Variants in TMEM200A observed in about 807,000 individuals in gnomAD.
TMEM200A encodes the protein two transmembrane C.
Under a neutral mutation model 24.3 loss-of-function variants are expected in TMEM200A, and 12 were observed. That is an observed-to-expected ratio of 0.49 (90% CI 0.32 to 0.80). TMEM200A has a LOEUF of 0.80. TMEM200A is among the 30% of genes least tolerant of loss of function. The pLI is 0.04. For synonymous variants in TMEM200A, 224 were observed against 224.4 expected (o/e 1.00, Z 0.02); for missense variants, 545 against 614.4 (o/e 0.89, Z 1.19).
At chr6:130,392,533 T>C (rs1778858758) in intron 2 of TMEM200A, among the ~76,000 whole-genome samples, 1 of 152,184 alleles carries the variant, frequency 6.6e-6, no homozygotes. Context: ...CCGCCTCCGG[T>C]TTCACTGTCA....
chr6:130,392,104 T>G (rs572065939), intron 2 of TMEM200A, among the ~76,000 whole-genome samples: 1 of 152,150 alleles, frequency 6.6e-6, no homozygotes, highest in African/African-American at 2.4e-5. Context: ...CTTTGCTATT[T>G]AATAACCCAG....
At chr6:130,397,587 T>C (rs185099080) in intron 2 of TMEM200A, among the ~76,000 whole-genome samples, 1 of 151,998 alleles carries the variant, frequency 6.6e-6, no homozygotes, top group Admixed American at 6.5e-5. Context: ...TTTTCCATTC[T>C]TTTACTTTGT....
At chr6:130,433,158 C>T (rs1399007543) in intron 2 of TMEM200A, among the ~76,000 whole-genome samples, 4 of 140,114 alleles carry the variant, frequency 2.9e-5, no homozygotes, top group Non-Finnish European at 6.1e-5. Context: ...TTTTTTGAGA[C>T]GGAGTTTCGC....
intron 2 of TMEM200A, among the ~76,000 whole-genome samples, chr6:130,391,172 G>C (rs960561714): frequency 6.6e-6 from 1 of 152,182 alleles, no homozygotes; most frequent in Non-Finnish European, 1.5e-5. Flanking sequence ...TGGTGCCACA[G>C]CTCGGACACC....
chr6:130,395,469 A>G (rs769565147), intron 2 of TMEM200A, among the ~76,000 whole-genome samples: 55 of 152,202 alleles, frequency 3.6e-4, no homozygotes, highest in Non-Finnish European at 1.0e-4. Context: ...GATCTCAAAA[A>G]TGGTCTCTTC....
In TMEM200A at chr6:130,442,140, A is replaced by T; in HGVS notation, c.*242A>T. The T allele has an allele frequency of 2.8e-6, 1 of 361,478 alleles. No individual in the cohort carries two copies. Among genetic ancestry groups the T allele is most frequent in the Non-Finnish European group, 5.2e-6 (1 of 192,730 alleles). The allele number at this position is 361,478 out of a possible 1,614,324, so 22.4% of individuals were successfully genotyped here. On this transcript the variant is annotated 3_prime_UTR_variant, in exon 3 of 3. Coordinates refer to ENST00000296978, the MANE Select transcript of TMEM200A (RefSeq NM_001258277.2). ...TTTGAAAGCATGATCTCTTTTATTAATATGAATGCAAAATGCTTGCATCCA... is the reference window on the plus strand; with the variant it reads ...TTTGAAAGCATGATCTCTTTTATTATTATGAATGCAAAATGCTTGCATCCA...
chr6:130,432,766 C>G (rs895589669), intron 2 of TMEM200A, among the ~76,000 whole-genome samples: 2 of 152,168 alleles, frequency 1.3e-5, no homozygotes, highest in Non-Finnish European at 2.9e-5. Context: ...ATATCACTCA[C>G]GTAGACCTTA....
Position 130,441,623 on chromosome 6 carries a change from G to A in TMEM200A, c.1201G>A (p.Asp401Asn), listed in dbSNP as rs1208356583. Residue 401 changes from aspartate (D) to asparagine (N), a missense_variant, in exon 3 of 3, where the codon GAC becomes AAC. Asp to Asn is a conservative substitution (Grantham distance 23). Transcript: ENST00000296978. ...GTCACACTCAAAGTCCTTGGACTTA[G>A]ACCGGGGTCCCTCCACTCTAACTGT... ...LSSHSKSLDL[D>N]RGPSTLTVQA... 6.2e-7 allele frequency: 1 copy of A among 1,613,932 alleles called. No individual in the cohort carries two copies. Among genetic ancestry groups the A allele is most frequent in the Non-Finnish European group, 8.5e-7 (1 of 1,180,006 alleles).
rs575215592 is a variant in TMEM200A, at chr6:130,434,709, A to G, written c.-16-5698A>G. ...CGGACGGTATGTGGTATAGTATTACACATGACTCACAAAGCAGAAATCTTC... is the reference window on the plus strand; with the variant it reads ...CGGACGGTATGTGGTATAGTATTACGCATGACTCACAAAGCAGAAATCTTC... On this transcript the variant is annotated intron_variant, in intron 2 of 2. Coordinates refer to ENST00000296978, the MANE Select transcript of TMEM200A (RefSeq NM_001258277.2). Among the ~76,000 whole-genome samples the G allele has an allele frequency of 3.3e-5, 5 of 152,316 alleles. No individual in the cohort carries two copies. The East Asian group carries it at 5.8e-4, about 18-fold the overall frequency.
intron 2 of TMEM200A, among the ~76,000 whole-genome samples, chr6:130,426,949 C>T (rs749585284): frequency 2.0e-5 from 3 of 152,172 alleles, no homozygotes; most frequent in Non-Finnish European, 4.4e-5. Context: ...TTCAGTGTTT[C>T]AAGATTATAA....
intron 2 of TMEM200A, among the ~76,000 whole-genome samples, chr6:130,421,702 C>G (rs1404101335): frequency 6.6e-6 from 1 of 152,124 alleles, no homozygotes; most frequent in Non-Finnish European, 1.5e-5. Context: ...CCCATTCCTC[C>G]CTTCACCCCT....
intron 2 of TMEM200A, among the ~76,000 whole-genome samples, chr6:130,428,184 G>A (rs1055626745): frequency 1.3e-5 from 2 of 151,782 alleles, no homozygotes; most frequent in African/African-American, 2.4e-5. Context: ...TCATATATTC[G>A]GTAGATAATT....
intron 1 of TMEM200A, among the ~76,000 whole-genome samples, chr6:130,368,979 A>G (rs1261783340): frequency 1.3e-5 from 2 of 152,216 alleles, no homozygotes; most frequent in African/African-American, 2.4e-5. Flanking sequence ...TGGCAGAATT[A>G]AAGAGAGACA....
Position 130,440,950 on chromosome 6 carries a change from G to C in TMEM200A, c.528G>C (p.Lys176Asn), listed in dbSNP as rs753229064. 13 of 1,613,956 alleles carry C rather than the reference G, an allele frequency of 8.1e-6. No individual in the cohort carries two copies. The East Asian group carries it at 2.9e-4, about 36-fold the overall frequency. Residue 176 changes from lysine (K) to asparagine (N), a missense_variant, in exon 3 of 3, where the codon AAG (lysine) becomes AAC (asparagine). By Grantham distance (94) the Lys-to-Asn change is moderately conservative. Coordinates refer to ENST00000296978, the MANE Select transcript of TMEM200A (RefSeq NM_001258277.2). ...TTGACATTCACACGCTAAGAATCAA[G>C]GAGCAAAGGCAAATGAACGGCATGT... ...TVIDIHTLRI[K>N]EQRQMNGMYT...
chr6:130,426,463 C>G (rs7743080), intron 2 of TMEM200A, among the ~76,000 whole-genome samples: 8 of 143,488 alleles, frequency 5.6e-5, no homozygotes, highest in Non-Finnish European at 7.5e-5. Flanking sequence ...TTCTGCAGCC[C>G]CCCCCCCCTC....
chr6:130,426,099 C>T (rs1233606183), intron 2 of TMEM200A, among the ~76,000 whole-genome samples: 1 of 151,978 alleles, frequency 6.6e-6, no homozygotes. Flanking sequence ...TTAAATAAGC[C>T]CCAGGGATTG....
In TMEM200A at chr6:130,406,646, G is replaced by A. The variant is rs2115147646; in HGVS notation, c.-17+21410G>A. 3.3e-5 allele frequency among the ~76,000 whole-genome samples: 5 copies of A among 152,242 alleles called. 1 individual carries two copies. In the South Asian group the frequency reaches 1.0e-3, roughly 32 times the overall value. On this transcript the variant is annotated intron_variant, in intron 2 of 2. Transcript: ENST00000296978. ...TACCTGATAAATAATGTCCTGAATTGCAAATGAAAGAACTTTACTTCTCAG... is the reference window on the plus strand; with the variant it reads ...TACCTGATAAATAATGTCCTGAATTACAAATGAAAGAACTTTACTTCTCAG...
rs143378396 is a variant in TMEM200A, at chr6:130,388,812, C to T, written c.-17+3576C>T. 4.7e-3 allele frequency among the ~76,000 whole-genome samples: 709 copies of T among 152,238 alleles called. 4 individuals are homozygous for T. Among genetic ancestry groups the T allele is most frequent in the African/African-American group, 0.016 (655 of 41,556 alleles). On this transcript the variant is annotated intron_variant, in intron 2 of 2. Coordinates refer to ENST00000296978, the MANE Select transcript of TMEM200A (RefSeq NM_001258277.2). ...TCATTGCCCCAGTTTGTGGGAATTGCATCAACCACTGCAGATAAGTGTGTT... is the reference window on the plus strand; with the variant it reads ...TCATTGCCCCAGTTTGTGGGAATTGTATCAACCACTGCAGATAAGTGTGTT...
intron 2 of TMEM200A, among the ~76,000 whole-genome samples, chr6:130,423,822 G>A (rs932879294): frequency 2.6e-5 from 4 of 152,098 alleles, no homozygotes; most frequent in Admixed American, 2.6e-4. Flanking sequence ...GAATGTTTGA[G>A]CTTGATTTAC....
Sources: gnomAD v4.1 joint callset for allele counts (sites outside exome capture counted in the v4.1 genomes callset) on GRCh38, gnomAD v4.1.1 for gene constraint, MANE v1.5 for transcripts, NCBI Gene and HGNC (gene_info 2026-07-23, HGNC 2026-07-21) for gene names.